RBMXL1: variants seen among roughly 807,000 people sequenced by gnomAD.
RBMXL1 encodes the protein RNA binding motif protein, X-linked-like-1.
RBMXL1 carries 18 observed loss-of-function variants against 29.0 expected under a neutral mutation model. That is an observed-to-expected ratio of 0.62 (90% CI 0.43 to 0.92). RBMXL1 has a LOEUF of 0.92. Ranked by LOEUF, RBMXL1 falls within the 40% of genes least tolerant of loss-of-function variation. The probability of loss-of-function intolerance (pLI) is 0.00; values close to 1 mark genes in which losing one functional copy is unlikely to be tolerated. For missense variants in RBMXL1, 403 were observed against 495.8 expected, an observed-to-expected ratio of 0.81 and a Z score of 1.78; for synonymous variants, 141 against 170.4, an observed-to-expected ratio of 0.83 and a Z score of 1.34.
Position 88,983,080 on chromosome 1 carries a change from G to A in RBMXL1, c.747C>T (p.Ser249=). 1 of 1,612,408 alleles carries A rather than the reference G, an allele frequency of 6.2e-7. No homozygotes were observed. Among genetic ancestry groups the A allele is most frequent in the Non-Finnish European group, 8.5e-7 (1 of 1,180,002 alleles). ...RDYTYRDYGH[S]SSRDDYPSRG... ...TTGATGGATAGTCATCACGTGAACTGGAATGACCATAATCACGGTAAGTAT... is the reference window on the plus strand; with the variant it reads ...TTGATGGATAGTCATCACGTGAACTAGAATGACCATAATCACGGTAAGTAT... Residue 249 remains serine (S), a synonymous_variant, in exon 3 of 3, where the codon TCC becomes TCT. Coordinates refer to ENST00000652648, the MANE Select transcript of RBMXL1 (RefSeq NM_001162536.3).
rs951919156 is a variant in RBMXL1 at position 88,981,324 on chromosome 1, T to A, written c.*1330A>T. ...AGCTACCACTTATATCCATCATTTT[T>A]ATAATTCATCTTAAGTTCTAAATTG... is the stretch of plus-strand genomic sequence containing the variant. On this transcript the variant is annotated 3_prime_UTR_variant, in exon 3 of 3. Transcript: ENST00000652648. The A allele has an allele frequency of 4.6e-5, 7 of 152,384 alleles. No individual in the cohort carries two copies. 9.4% of individuals were successfully genotyped at this position (152,384 alleles called of 1,614,324 possible).
intron 2 of RBMXL1, among the ~76,000 whole-genome samples, chr1:88,985,949 G>A (rs920761589): frequency 1.3e-5 from 2 of 152,174 alleles, no homozygotes; most frequent in African/African-American, 4.8e-5. Context: ...GGGAGGCTGA[G>A]GAGGGTGGAT....
In RBMXL1 at chr1:88,981,574, A is replaced by G. The variant is rs1677092957; in HGVS notation, c.*1080T>C. On this transcript the variant is annotated 3_prime_UTR_variant, in exon 3 of 3. Transcript: ENST00000652648. ...GATCCACAGGAACCCTTGAAGGCAA[A>G]ATCTATTGCCTGCACCAAACCAATT... The G allele has an allele frequency of 6.4e-6, 1 of 156,772 alleles. No individual in the cohort carries two copies. The highest frequency in any genetic ancestry group is 1.5e-5 in the Non-Finnish European group (1 of 68,292). The allele number at this position is 156,772 out of a possible 1,614,324, so 9.7% of individuals were successfully genotyped here. A position where few individuals can be genotyped will look rare whatever the true frequency, so the allele number is the denominator to read the frequency against.
At chr1:88,988,062 T>C (rs1296412054) in intron 2 of RBMXL1, among the ~76,000 whole-genome samples, 190 bp downstream of exon 2, 2 of 152,250 alleles carry the variant, frequency 1.3e-5, no homozygotes, top group African/African-American at 2.4e-5. Context: ...GCACATGGCC[T>C]GATCCACAGA....
chr1:88,992,039 C>T (rs1677832188), intron 1 of RBMXL1, among the ~76,000 whole-genome samples: 1 of 147,616 alleles, frequency 6.8e-6, no homozygotes, highest in Non-Finnish European at 1.5e-5. Flanking sequence ...AGTGCAGTGG[C>T]CCGATCTCGG....
chr1:88,984,698 G>T (rs1677341028), intron 2 of RBMXL1, among the ~76,000 whole-genome samples: 1 of 152,190 alleles, frequency 6.6e-6, no homozygotes, highest in Non-Finnish European at 1.5e-5. Context: ...AGAAAACTAT[G>T]CACTGGCCAC....
intron 1 of RBMXL1, among the ~76,000 whole-genome samples, 159 bp from the exon 2 acceptor site, chr1:88,988,510 TATA>T (rs1318309603): frequency 2.6e-5 from 4 of 152,234 alleles, no homozygotes; most frequent in African/African-American, 4.8e-5. Flanking sequence ...CTTTCTATGA[TATA>T]ATCTCTCATC....
intron 1 of RBMXL1, among the ~76,000 whole-genome samples, chr1:88,989,468 G>A (rs1352304014): frequency 6.6e-6 from 1 of 152,170 alleles, no homozygotes; most frequent in East Asian, 1.9e-4. Context: ...TAAGGTTTGA[G>A]TTAAAGCAAG....
chr1:88,987,036 G>A (rs1677499290), intron 2 of RBMXL1, among the ~76,000 whole-genome samples: 1 of 152,212 alleles, frequency 6.6e-6, no homozygotes, highest in African/African-American at 2.4e-5. Flanking sequence ...GGTATGGAGA[G>A]GGGTTAGTGC....
chr1:88,987,690 T>G (rs374153842), intron 2 of RBMXL1, among the ~76,000 whole-genome samples: 3 of 152,234 alleles, frequency 2.0e-5, no homozygotes, highest in Admixed American at 6.5e-5. Flanking sequence ...TCTTAGACCT[T>G]AGGTCATTAC....
Position 88,982,820 on chromosome 1 carries a change from G to C in RBMXL1, c.1007C>G (p.Ser336Ter). Reference sequence around the variant, plus strand: ...TTGTCTGCCAACCCTGTCACAACTTGAGTAGAGATCACTTCGGCTGCTTGA... The same window carrying C: ...TTGTCTGCCAACCCTGTCACAACTTCAGTAGAGATCACTTCGGCTGCTTGA... ...SYSSSRSDLY[S>*]SCDRVGRQER... Residue 336 changes from serine (S) to a stop codon, truncating the protein, a stop_gained, in exon 3 of 3, where the codon TCA becomes TGA. Transcript: ENST00000652648. LOFTEE classifies it high-confidence loss of function. 1 of 1,613,984 alleles carries C rather than the reference G, an allele frequency of 6.2e-7. No individual in the cohort carries two copies. The highest frequency in any genetic ancestry group is 8.5e-7 in the Non-Finnish European group (1 of 1,179,884).
At position 88,982,211 on chromosome 1, in the gene RBMXL1, G is replaced by A. The variant is rs1466354700; in HGVS notation, c.*443C>T. ...TGAGATTTCAGTTAGAAAACACCCT[G>A]AAATCTTATGAGTAGCATACTCCAA... On this transcript the variant is annotated 3_prime_UTR_variant, in exon 3 of 3. Coordinates refer to ENST00000652648, the MANE Select transcript of RBMXL1 (RefSeq NM_001162536.3). 3 of 775,914 alleles carry A rather than the reference G, an allele frequency of 3.9e-6. No individual in the cohort carries two copies. The highest frequency in any genetic ancestry group is 1.2e-4 in the East Asian group (1 of 8,032). The allele number at this position is 775,914 out of a possible 1,614,324, so 48.1% of individuals were successfully genotyped here. A position where few individuals can be genotyped will look rare whatever the true frequency, so the allele number is the denominator to read the frequency against.
chr1:88,985,891 G>A (rs1677421472), intron 2 of RBMXL1, among the ~76,000 whole-genome samples: 1 of 152,166 alleles, frequency 6.6e-6, no homozygotes. Flanking sequence ...CATCAAAAGA[G>A]AGGGTTGGGC....
At chr1:88,988,384 TAA>T in intron 1 of RBMXL1, 33 bp from the exon 2 acceptor site, 1 of 1,289,958 alleles carries the variant, frequency 7.8e-7, no homozygotes, top group Non-Finnish European at 1.1e-6. Context: ...AGAAGAGGAA[TAA>T]ATATATGATG....
Position 88,983,734 on chromosome 1 carries a change from A to G in RBMXL1, c.93T>C (p.Tyr31=), listed in dbSNP as rs148869795. 1.7e-4 allele frequency: 277 copies of G among 1,614,038 alleles called. No individual in the cohort carries two copies. Among genetic ancestry groups the G allele is most frequent in the Middle Eastern group, 1.2e-3 (7 of 6,038 alleles). Residue 31 remains tyrosine (Y), a synonymous_variant, in exon 3 of 3, where the codon TAT becomes TAC. Transcript: ENST00000652648. ...EKALETVFGK[Y]GRIVEVLLIK... The stretch of plus-strand genomic sequence containing the variant: ...TCAAGAGTACTTCCACTATTCGTCC[A>G]TATTTGCCAAATACTGTTTCAAGAG...
intron 2 of RBMXL1, among the ~76,000 whole-genome samples, chr1:88,986,314 A>C (rs1199377054): frequency 7.4e-6 from 1 of 134,726 alleles, no homozygotes; most frequent in Non-Finnish European, 1.5e-5. Flanking sequence ...AGACTCTCTT[A>C]AAAAAAAAAA....
rs542071560 is a variant in RBMXL1, at chr1:88,981,956, C to A, written c.*698G>T. 1.0e-6 allele frequency: 1 copy of A among 982,794 alleles called. No individual in the cohort carries two copies. The highest frequency in any genetic ancestry group is 1.2e-6 in the Non-Finnish European group (1 of 827,338). 60.9% of individuals were successfully genotyped at this position (982,794 alleles called of 1,614,324 possible). A position where few individuals can be genotyped will look rare whatever the true frequency, so the allele number is the denominator to read the frequency against. ...AGAGTAAGAGCAAGCACCTTTGCAG[C>A]TTCATGGTTGGTTTTGGCCAAACTT... On this transcript the variant is annotated 3_prime_UTR_variant, in exon 3 of 3. Coordinates refer to ENST00000652648, the MANE Select transcript of RBMXL1 (RefSeq NM_001162536.3).
At chr1:88,991,138 A>G (rs1211510197) in intron 1 of RBMXL1, among the ~76,000 whole-genome samples, 1 of 152,240 alleles carries the variant, frequency 6.6e-6, no homozygotes, top group African/African-American at 2.4e-5. Context: ...ACTGTTTAAA[A>G]TGAAGATTCA....
At chr1:88,991,775 C>G (rs1293367788) in intron 1 of RBMXL1, among the ~76,000 whole-genome samples, 6 of 152,238 alleles carry the variant, frequency 3.9e-5, no homozygotes, top group Admixed American at 3.9e-4. Context: ...TCGGTTTTGG[C>G]TCCCGAAGTC....
Sources: allele counts gnomAD v4.1 joint callset (sites outside exome capture counted in the v4.1 genomes callset), GRCh38; gene constraint gnomAD v4.1.1; transcripts MANE v1.5; gene names NCBI Gene and HGNC (gene_info 2026-07-23, HGNC 2026-07-21).